Variants in STARD13 observed in about 807,000 individuals in gnomAD.
STARD13 encodes stAR-related lipid transfer protein 13.
Under a neutral mutation model 106.4 loss-of-function variants are expected in STARD13, and 62 were observed. The ratio of observed to expected loss-of-function variants is 0.58; its 90% CI spans 0.48 to 0.72. STARD13 has a LOEUF of 0.72. Among genes scored for constraint, STARD13 ranks in the 30% least tolerant of loss-of-function variants. The pLI, the probability that STARD13 is intolerant of heterozygous loss-of-function variation, is 0.00. For missense variants in STARD13, 1,387 were observed against 1,424.0 expected, an observed-to-expected ratio of 0.97 and a Z score of 0.42; for synonymous variants, 565 against 553.0, an observed-to-expected ratio of 1.02 and a Z score of -0.31.
At chr13:33,304,131 C>T (rs1892818594) in intron 1 of STARD13, among the ~76,000 whole-genome samples, 1 of 152,228 alleles carries the variant, frequency 6.6e-6, no homozygotes, top group Non-Finnish European at 1.5e-5. Context: ...CCACTCACTG[C>T]AGACACACCA....
chr13:33,353,741 C>T (rs142378522), upstream of STARD13, among the ~76,000 whole-genome samples: 55 of 152,318 alleles, frequency 3.6e-4, 1 homozygote, highest in East Asian at 6.0e-3. Flanking sequence ...TTTCAAGAAG[C>T]CTTCCCTGAC....
intron 1 of STARD13, among the ~76,000 whole-genome samples, chr13:33,192,975 G>T (rs1023443542): frequency 2.6e-5 from 4 of 152,164 alleles, no homozygotes. Context: ...GGTGCCCAAG[G>T]TCACAAATGG....
chr13:33,550,388 C>T, the STARD13 span, among the ~76,000 whole-genome samples: 4 of 152,170 alleles, frequency 2.6e-5, no homozygotes, highest in African/African-American at 9.7e-5. Flanking sequence ...CATCCCAGAA[C>T]AGTTATTCTG....
At chr13:33,468,112 T>G in the STARD13 span, among the ~76,000 whole-genome samples, 1 of 152,214 alleles carries the variant, frequency 6.6e-6, no homozygotes, top group Non-Finnish European at 1.5e-5. Flanking sequence ...GGACCCCGGT[T>G]CTAATCCTAC....
chr13:33,502,537 T>G, the STARD13 span, among the ~76,000 whole-genome samples: 5 of 152,228 alleles, frequency 3.3e-5, no homozygotes, highest in African/African-American at 9.6e-5. Flanking sequence ...TAAATAGCTC[T>G]TATTATTTTG....
At chr13:33,479,928 C>A in the STARD13 span, among the ~76,000 whole-genome samples, 1 of 152,222 alleles carries the variant, frequency 6.6e-6, no homozygotes, top group Non-Finnish European at 1.5e-5. Flanking sequence ...ATGCCAGCAT[C>A]ATGCTTCCTG....
chr13:33,166,505 CCT>C (rs1328456366), intron 2 of STARD13, among the ~76,000 whole-genome samples: 1 of 152,146 alleles, frequency 6.6e-6, no homozygotes, highest in Admixed American at 6.5e-5. Context: ...GTGGCCACCC[CCT>C]GTCCTGCCTG....
chr13:33,203,372 G>A (rs1241721894), intron 1 of STARD13, among the ~76,000 whole-genome samples: 1 of 152,152 alleles, frequency 6.6e-6, no homozygotes, highest in Non-Finnish European at 1.5e-5. Flanking sequence ...TATGCTATCA[G>A]TTTTACTGGA....
At chr13:33,395,549 C>T in the STARD13 span, among the ~76,000 whole-genome samples, 129 of 152,228 alleles carry the variant, frequency 8.5e-4, no homozygotes, top group Non-Finnish European at 1.3e-3. Flanking sequence ...AGACAGACCA[C>T]CCTAACTATG....
intron 1 of STARD13, among the ~76,000 whole-genome samples, chr13:33,183,761 G>A (rs1244152432): frequency 6.6e-6 from 1 of 152,138 alleles, no homozygotes; most frequent in Admixed American, 6.5e-5. Context: ...GTCACCTTAT[G>A]AGCAGGAATG....
the STARD13 span, among the ~76,000 whole-genome samples, chr13:33,482,970 A>G: frequency 6.6e-6 from 1 of 152,190 alleles, no homozygotes; most frequent in African/African-American, 2.4e-5. Context: ...ACACTGACTA[A>G]AGGATTTGCA....
At chr13:33,526,569 G>T in the STARD13 span, among the ~76,000 whole-genome samples, 2 of 152,042 alleles carry the variant, frequency 1.3e-5, no homozygotes, top group Middle Eastern at 3.2e-3. Flanking sequence ...GAGTAGTTAG[G>T]AATGCCAGCT....
At chr13:33,197,926 T>C (rs967430425) in intron 1 of STARD13, among the ~76,000 whole-genome samples, 3 of 152,164 alleles carry the variant, frequency 2.0e-5, no homozygotes, top group African/African-American at 7.2e-5. Flanking sequence ...ATCCCAGCAC[T>C]TTAGGAGGCC....
chr13:33,179,979 C>A (rs1017184408), intron 1 of STARD13, among the ~76,000 whole-genome samples: 1 of 152,334 alleles, frequency 6.6e-6, no homozygotes, highest in East Asian at 1.9e-4. Context: ...TCTGTGCCTG[C>A]AGGAGGTCCT....
the STARD13 span, among the ~76,000 whole-genome samples, chr13:33,469,964 T>A: frequency 2.0e-5 from 3 of 152,170 alleles, no homozygotes; most frequent in Non-Finnish European, 4.4e-5. Context: ...CGTGCAGGTT[T>A]AGCATAGGTA....
chr13:33,544,770 CTTTTTTTTTTTTT>C, the STARD13 span, among the ~76,000 whole-genome samples: 1 of 108,722 alleles, frequency 9.2e-6, no homozygotes, highest in South Asian at 2.9e-4. Flanking sequence ...TGTTTTTTCT[CTTTTTTTTTTTTT>C]TTTTTTTTGA....
At chr13:33,463,927 C>T in the STARD13 span, among the ~76,000 whole-genome samples, 1 of 151,572 alleles carries the variant, frequency 6.6e-6, no homozygotes, top group South Asian at 2.1e-4. Flanking sequence ...CAGAGAATTG[C>T]TTGAACCCAG....
intron 1 of STARD13, among the ~76,000 whole-genome samples, chr13:33,342,873 A>T (rs1046462489): frequency 1.4e-4 from 21 of 152,362 alleles, no homozygotes; most frequent in African/African-American, 4.8e-4. Context: ...GTACTTGCAT[A>T]TGGACATATT....
At chr13:33,509,418 T>C in the STARD13 span, among the ~76,000 whole-genome samples, 1 of 152,178 alleles carries the variant, frequency 6.6e-6, no homozygotes, top group South Asian at 2.1e-4. Flanking sequence ...ATTGGGATCC[T>C]GGTCAACCAG....
Sources: gnomAD v4.1 joint callset for allele counts (sites outside exome capture counted in the v4.1 genomes callset) on GRCh38, gnomAD v4.1.1 for gene constraint, MANE v1.5 for transcripts, NCBI Gene and HGNC (gene_info 2026-07-23, HGNC 2026-07-21) for gene names.